BCR: variants seen among roughly 807,000 people sequenced by gnomAD.
The protein encoded by BCR is breakpoint cluster region protein.
Under a neutral mutation model 138.6 loss-of-function variants are expected in BCR, and 58 were observed. The ratio of observed to expected loss-of-function variants is 0.42; its 90% confidence interval spans 0.34 to 0.52. The LOEUF (loss-of-function observed/expected upper bound fraction) is 0.52. Ranked by LOEUF, BCR falls within the 20% of genes least tolerant of loss-of-function variation. The probability of loss-of-function intolerance (pLI) is 0.06; values close to 1 mark genes in which losing one functional copy is unlikely to be tolerated. For synonymous variants in BCR, 786 were observed against 730.1 expected (o/e 1.08, Z -1.23); for missense variants, 1,599 against 1,727.2 (o/e 0.93, Z 1.32).
intron 14 of BCR, among the ~76,000 whole-genome samples, chr22:23,291,427 T>A (rs1313134293): frequency 6.6e-6 from 1 of 151,996 alleles, no homozygotes; most frequent in Non-Finnish European, 1.5e-5. Flanking sequence ...ATGGATGAAT[T>A]ACATGACATG....
intron 2 of BCR, among the ~76,000 whole-genome samples, chr22:23,255,669 C>T (rs1221513909): frequency 6.6e-6 from 1 of 152,228 alleles, no homozygotes; most frequent in African/African-American, 2.4e-5. Flanking sequence ...CAGTCCCTGT[C>T]CGGGGGTGGG....
intron 1 of BCR, among the ~76,000 whole-genome samples, chr22:23,243,345 C>T (rs1261351758): frequency 2.0e-5 from 3 of 152,142 alleles, no homozygotes; most frequent in Non-Finnish European, 4.4e-5. Context: ...ATTGATCACC[C>T]GTGTCTACAG....
intron 8 of BCR, among the ~76,000 whole-genome samples, chr22:23,275,451 G>A (rs1465327195): frequency 6.6e-6 from 1 of 152,216 alleles, no homozygotes; most frequent in African/African-American, 2.4e-5. Flanking sequence ...ATCCGTGTTG[G>A]CTCCTTGGCA....
intron 12 of BCR, 55 bp from the exon 13 acceptor site, chr22:23,289,462 C>T (rs1032282216): frequency 1.2e-5 from 18 of 1,474,654 alleles, no homozygotes; most frequent in Non-Finnish European, 1.7e-5. Context: ...TGGGAGGGGC[C>T]AGAGGGCCAA....
intron 1 of BCR, among the ~76,000 whole-genome samples, chr22:23,203,474 C>G (rs893896300): frequency 6.6e-6 from 1 of 152,190 alleles, no homozygotes; most frequent in African/African-American, 2.4e-5. Flanking sequence ...TCCAGAGAAG[C>G]AGAATCTGAG....
chr22:23,314,155 C>T, intron 21 of BCR, 82 bp downstream of exon 21: 1 of 1,120,712 alleles, frequency 8.9e-7, no homozygotes, highest in Non-Finnish European at 1.3e-6. Flanking sequence ...AGACCCCCAA[C>T]ACCGAGGACC....
intron 1 of BCR, among the ~76,000 whole-genome samples, chr22:23,184,853 G>A (rs747133517): frequency 2.6e-5 from 4 of 151,036 alleles, no homozygotes; most frequent in Admixed American, 1.3e-4. Flanking sequence ...CCTGTTTACT[G>A]ATGTTCTTTA....
chr22:23,244,152 C>T (rs950839119), intron 1 of BCR, among the ~76,000 whole-genome samples: 3 of 152,126 alleles, frequency 2.0e-5, no homozygotes, highest in East Asian at 1.9e-4. Flanking sequence ...ATAGGACACC[C>T]GGCTGGTGTC....
intron 4 of BCR, chr22:23,264,111 G>C: frequency 6.6e-7 from 1 of 1,516,262 alleles, no homozygotes; most frequent in East Asian, 2.3e-5. Flanking sequence ...ATGTGTCATG[G>C]AGTGGGAGGA....
Position 23,261,516 on chromosome 22 carries a change from G to T in BCR, c.1728G>T (p.Arg576=). The stretch of plus-strand genomic sequence containing the variant: ...TGCAGCAGTGGAGCCACCAGCAGCG[G>T]GTGGGCGACCTCTTCCAGAAGCTGG... ...PRVQQWSHQQ[R]VGDLFQKLAS... is the part of the protein sequence containing the mutation. The change falls in exon 4 of 23, where the codon CGG becomes CGT. Residue 576 remains arginine (R), a synonymous_variant. Transcript: ENST00000305877. 1 of 1,612,832 alleles carries T rather than the reference G, an allele frequency of 6.2e-7. No homozygotes were observed. Among genetic ancestry groups the T allele is most frequent in the Non-Finnish European group, 8.5e-7 (1 of 1,180,032 alleles).
At chr22:23,241,942 C>A (rs970432758) in intron 1 of BCR, among the ~76,000 whole-genome samples, 1 of 152,190 alleles carries the variant, frequency 6.6e-6, no homozygotes, top group African/African-American at 2.4e-5. Context: ...TCCTCTCTCT[C>A]CTCTCACTGC....
At chr22:23,182,676 C>T (rs941697861) in intron 1 of BCR, among the ~76,000 whole-genome samples, 2 of 152,186 alleles carry the variant, frequency 1.3e-5, no homozygotes, top group African/African-American at 4.8e-5. Context: ...CTTGGGCATT[C>T]CCCGCCACCC....
intron 1 of BCR, among the ~76,000 whole-genome samples, chr22:23,206,410 T>G (rs1444451745): frequency 3.3e-5 from 5 of 151,768 alleles, no homozygotes; most frequent in Admixed American, 6.5e-5. Context: ...ATGTCTCTAC[T>G]AAAAATACAA....
At chr22:23,304,099 ATTTT>A (rs56805241) in intron 16 of BCR, among the ~76,000 whole-genome samples, 37,155 of 101,868 alleles carry the variant, frequency 0.36, 5,454 homozygotes, top group East Asian at 0.56. Context: ...ATGCCAGGCT[ATTTT>A]TTTTTTTTTT....
chr22:23,189,799 C>T (rs1394743945), intron 1 of BCR, among the ~76,000 whole-genome samples: 2 of 152,206 alleles, frequency 1.3e-5, no homozygotes, highest in Non-Finnish European at 2.9e-5. Flanking sequence ...CGCTCCTAGC[C>T]TAGCCCTCTC....
At chr22:23,244,320 T>A in intron 1 of BCR, among the ~76,000 whole-genome samples, 1 of 152,184 alleles carries the variant, frequency 6.6e-6, no homozygotes. Flanking sequence ...GCAAAAAGAC[T>A]CTTTCCAGGT....
intron 8 of BCR, among the ~76,000 whole-genome samples, chr22:23,281,526 T>C (rs77948901): frequency 0.034 from 5,161 of 152,178 alleles, 129 homozygotes; most frequent in African/African-American, 0.056. Context: ...GGCCACGCCA[T>C]GTGGGCCTCC....
At position 23,290,326 on chromosome 22, in the gene BCR, A is replaced by AG; in HGVS notation, c.2708-13_2708-12insG. 1 of 1,612,652 alleles carries AG rather than the reference A, an allele frequency of 6.2e-7. No individual in the cohort carries two copies. ...GGGACAACAGAAGCTGACCTCTTTGATCTCTTGCGCAGATGATGAGTCTCC... is the reference window on the plus strand; with the variant it reads ...GGGACAACAGAAGCTGACCTCTTTGAGTCTCTTGCGCAGATGATGAGTCTCC... On this transcript the variant is annotated splice_polypyrimidine_tract_variant and intron_variant, in intron 13 of 22. Transcript: ENST00000305877.
At chr22:23,197,081 A>G (rs2072493569) in intron 1 of BCR, among the ~76,000 whole-genome samples, 1 of 152,376 alleles carries the variant, frequency 6.6e-6, no homozygotes, top group South Asian at 2.1e-4. Flanking sequence ...TGCACCACAT[A>G]ACGACATTTT....
Sources: gnomAD v4.1 joint callset for allele counts (sites outside exome capture counted in the v4.1 genomes callset) on GRCh38, gnomAD v4.1.1 for gene constraint, MANE v1.5 for transcripts, NCBI Gene and HGNC (gene_info 2026-07-23, HGNC 2026-07-21) for gene names.